Variants in G3BP2 observed in about 807,000 individuals in gnomAD.
The protein encoded by G3BP2 is ras GTPase-activating protein-binding protein 2.
Under a neutral mutation model 56.7 loss-of-function variants are expected in G3BP2, and 11 were observed. That is an observed-to-expected ratio of 0.19 (90% CI 0.12 to 0.32). The LOEUF (loss-of-function observed/expected upper bound fraction) is 0.32. G3BP2 is among the 10% of genes least tolerant of loss of function. G3BP2 has a pLI of 1.00. For missense variants in G3BP2, 340 were observed against 610.9 expected (o/e 0.56, Z 4.67); for synonymous variants, 165 against 191.6 (o/e 0.86, Z 1.15).
chr4:75,663,565 G>A (rs1251674251), intron 1 of G3BP2, among the ~76,000 whole-genome samples: 1 of 152,028 alleles, frequency 6.6e-6, no homozygotes, highest in Non-Finnish European at 1.5e-5. Context: ...ATTTACTGTA[G>A]GAATATAATC....
intron 3 of G3BP2, among the ~76,000 whole-genome samples, chr4:75,658,049 T>G (rs1269321770): frequency 2.0e-5 from 3 of 152,236 alleles, no homozygotes; most frequent in Non-Finnish European, 4.4e-5. Context: ...TGTTTGCTGA[T>G]GCTATTTTTT....
At chr4:75,694,324 G>A (rs936159242) in intron 3 of G3BP2, among the ~76,000 whole-genome samples, 2 of 152,092 alleles carry the variant, frequency 1.3e-5, no homozygotes, top group African/African-American at 4.8e-5. Flanking sequence ...TTTTAGGGTC[G>A]GACATGGTGG....
chr4:75,673,122 G>C (rs576992926), intron 1 of G3BP2, 86 bp downstream of exon 1: 2 of 1,087,288 alleles, frequency 1.8e-6, no homozygotes, highest in Admixed American at 5.2e-5. Context: ...CTCACACACC[G>C]GACGATTGCC....
intron 1 of G3BP2, among the ~76,000 whole-genome samples, chr4:75,663,346 G>GT (rs1458108841): frequency 6.2e-5 from 3 of 48,502 alleles, no homozygotes; most frequent in African/African-American, 2.3e-4. Flanking sequence ...AGCCTCAACT[G>GT]CCAGGCTCAG....
chr4:75,644,388 A>C lies in G3BP2; in HGVS notation c.*1042T>G, dbSNP rs1186255122. 6.6e-6 allele frequency: 1 copy of C among 152,626 alleles called. No homozygotes were observed. Among genetic ancestry groups the C allele is most frequent in the Non-Finnish European group, 1.5e-5 (1 of 68,040 alleles). The allele number at this position is 152,626 out of a possible 1,614,324, so 9.5% of individuals were successfully genotyped here. ...AACAAGATAAATAATATGCTAGTCC[A>C]TTTTACTGATTTTAAAGATACTGCA... On this transcript the variant is annotated 3_prime_UTR_variant, in exon 12 of 12. Transcript: ENST00000359707.
At chr4:75,672,207 C>T (rs1733542760) in intron 1 of G3BP2, among the ~76,000 whole-genome samples, 2 of 152,180 alleles carry the variant, frequency 1.3e-5, no homozygotes, top group Non-Finnish European at 2.9e-5. Flanking sequence ...CCTCCCACCC[C>T]CCAAATCCGT....
chr4:75,649,695 TCC>T (rs1731523637), intron 8 of G3BP2, among the ~76,000 whole-genome samples: 1 of 152,278 alleles, frequency 6.6e-6, no homozygotes, highest in Non-Finnish European at 1.5e-5. Flanking sequence ...GGAGAACATG[TCC>T]TCAACTCAGA....
At chr4:75,696,736 A>T (rs1193295119) in intron 3 of G3BP2, among the ~76,000 whole-genome samples, 1 of 152,192 alleles carries the variant, frequency 6.6e-6, no homozygotes, top group Admixed American at 6.5e-5. Context: ...TGGAAAGAGG[A>T]CTAAATCAGG....
At chr4:75,666,576 G>A (rs1733053199) in intron 1 of G3BP2, among the ~76,000 whole-genome samples, 1 of 152,150 alleles carries the variant, frequency 6.6e-6, no homozygotes, top group African/African-American at 2.4e-5. Flanking sequence ...ATGACTACTA[G>A]AGATCAACCA....
At chr4:75,665,000 TTAAAAA>T (rs1732889718) in intron 1 of G3BP2, among the ~76,000 whole-genome samples, 1 of 151,982 alleles carries the variant, frequency 6.6e-6, no homozygotes, top group Admixed American at 6.6e-5. Context: ...ATACAAAAAA[TTAAAAA>T]TAAAAAGTCA....
chr4:75,659,485 GTTC>G (rs773343784), intron 2 of G3BP2, among the ~76,000 whole-genome samples: 19 of 152,164 alleles, frequency 1.2e-4, no homozygotes, highest in Non-Finnish European at 1.9e-4. Context: ...TTTTTGTACT[GTTC>G]TTAAGTATGT....
intron 9 of G3BP2, 132 bp from the exon 10 acceptor site, chr4:75,647,289 AAG>A: frequency 3.5e-6 from 2 of 566,192 alleles, no homozygotes; most frequent in Non-Finnish European, 6.0e-6. Flanking sequence ...CTTCTTGAAA[AAG>A]AGGCAAAAGT....
rs1731986971 is a variant in G3BP2, at chr4:75,655,087, A to G, written c.705T>C (p.Ser235=). ...STTPPPAEPV[S]LPQEPPKAFS... is the part of the protein sequence containing the mutation. The stretch of plus-strand genomic sequence containing the variant: ...TAACCTTTGGTGGTTCTTGTGGCAG[A>G]GAAACAGGTTCTGCCGGAGGAGGAG... The change falls in exon 7 of 12, where the codon TCT becomes TCC. Residue 235 remains serine (S), a synonymous_variant. Coordinates refer to ENST00000359707, the MANE Select transcript of G3BP2 (RefSeq NM_203505.3). 1.2e-6 allele frequency: 2 copies of G among 1,611,828 alleles called. No homozygotes were observed. Among genetic ancestry groups the G allele is most frequent in the East Asian group, 4.5e-5 (2 of 44,864 alleles).
chr4:75,722,496 G>A (rs755516993), intron 1 of G3BP2, among the ~76,000 whole-genome samples: 1 of 152,158 alleles, frequency 6.6e-6, no homozygotes, highest in African/African-American at 2.4e-5. Flanking sequence ...CCGTCTATGA[G>A]CCTCATTCCT....
intron 3 of G3BP2, among the ~76,000 whole-genome samples, chr4:75,692,462 C>A: frequency 6.6e-6 from 1 of 152,106 alleles, no homozygotes; most frequent in East Asian, 1.9e-4. Context: ...CAGGCGCGGG[C>A]CACCACACCC....
chr4:75,662,501 C>G (rs890763813), intron 1 of G3BP2: 1 of 152,732 alleles, frequency 6.5e-6, no homozygotes, highest in South Asian at 2.1e-4. Flanking sequence ...GGATTACAGG[C>G]GTGAGCCACC....
intron 1 of G3BP2, chr4:75,670,503 G>A (rs572740639): frequency 6.6e-6 from 1 of 152,238 alleles, no homozygotes; most frequent in East Asian, 1.9e-4. Context: ...TCCAAAAGGT[G>A]TTTTTGTTTT....
At chr4:75,719,335 A>G (rs1720054664) in intron 3 of G3BP2, among the ~76,000 whole-genome samples, 2 of 120,220 alleles carry the variant, frequency 1.7e-5, no homozygotes, top group South Asian at 2.9e-4. Context: ...GCGACAGAGC[A>G]AGACTCCGTC....
intron 1 of G3BP2, among the ~76,000 whole-genome samples, chr4:75,723,643 C>A (rs765427057): frequency 2.6e-4 from 40 of 152,132 alleles, no homozygotes; most frequent in Admixed American, 2.4e-3. Context: ...CTGAGCACGG[C>A]ACGCACACAG....
Sources: allele counts gnomAD v4.1 joint callset (sites outside exome capture counted in the v4.1 genomes callset), GRCh38; gene constraint gnomAD v4.1.1; transcripts MANE v1.5; gene names NCBI Gene and HGNC (gene_info 2026-07-23, HGNC 2026-07-21).